The following HS3ST5 variants were observed in gnomAD, a reference collection of about 807,000 sequenced individuals.
HS3ST5 encodes the protein heparan sulfate-glucosamine 3-sulfotransferase 5.
A neutral mutation model predicts 25.4 loss-of-function variants in HS3ST5; 10 were observed. The observed-to-expected ratio is 0.39, with a 90% confidence interval of 0.24 to 0.67. The LOEUF is 0.67. HS3ST5 is among the 30% of genes least tolerant of loss of function. The pLI, the probability that HS3ST5 is intolerant of heterozygous loss-of-function variation, is 0.44. For synonymous variants in HS3ST5, 170 were observed against 162.4 expected, an observed-to-expected ratio of 1.05 and a Z score of -0.36; for missense variants, 324 against 420.7, an observed-to-expected ratio of 0.77 and a Z score of 2.01.
intron 1 of HS3ST5, among the ~76,000 whole-genome samples, chr6:114,325,537 G>A (rs13207930): frequency 6.6e-6 from 1 of 151,990 alleles, no homozygotes; most frequent in South Asian, 2.1e-4. Flanking sequence ...GATGAAGAGA[G>A]GTGTCTCAAG....
At chr6:114,213,173 G>A (rs536894090) in intron 2 of HS3ST5, among the ~76,000 whole-genome samples, 4 of 152,038 alleles carry the variant, frequency 2.6e-5, no homozygotes, top group East Asian at 3.9e-4. Context: ...ACTCTTCTTC[G>A]AAGTCCTGCC....
intron 3 of HS3ST5, among the ~76,000 whole-genome samples, chr6:114,161,478 C>T (rs1241276441): frequency 8.0e-6 from 1 of 125,018 alleles, no homozygotes. Context: ...GCATTAAAAA[C>T]AGCATCTAAG....
At chr6:114,074,925 CT>C (rs926125943) in intron 3 of HS3ST5, among the ~76,000 whole-genome samples, 22 of 152,228 alleles carry the variant, frequency 1.4e-4, no homozygotes, top group African/African-American at 5.1e-4. Flanking sequence ...TGCTTCAAAA[CT>C]TTTTTTCTTT....
chr6:114,324,369 C>T (rs552832553), intron 1 of HS3ST5, among the ~76,000 whole-genome samples: 4 of 152,336 alleles, frequency 2.6e-5, no homozygotes, highest in African/African-American at 9.6e-5. Context: ...CTAGTTTCAG[C>T]TCATCACTTT....
At chr6:114,336,897 G>A (rs1323865878) in intron 1 of HS3ST5, among the ~76,000 whole-genome samples, 2 of 152,150 alleles carry the variant, frequency 1.3e-5, no homozygotes, top group East Asian at 3.8e-4. Flanking sequence ...CAAATAGTAA[G>A]ATTGTTAATA....
chr6:114,196,631 C>G (rs191622704), intron 2 of HS3ST5, among the ~76,000 whole-genome samples: 20 of 150,366 alleles, frequency 1.3e-4, no homozygotes, highest in Admixed American at 7.3e-4. Context: ...TTGTAAGCAC[C>G]TCTTAGCCAG....
At chr6:114,065,890 C>G (rs1220780158) in intron 3 of HS3ST5, among the ~76,000 whole-genome samples, 1 of 152,220 alleles carries the variant, frequency 6.6e-6, no homozygotes, top group Non-Finnish European at 1.5e-5. Flanking sequence ...CCACACCCTC[C>G]TGCTTAAAAC....
chr6:114,341,411 C>T (rs909152400), intron 1 of HS3ST5, among the ~76,000 whole-genome samples: 1 of 152,120 alleles, frequency 6.6e-6, no homozygotes, highest in African/African-American at 2.4e-5. Flanking sequence ...TTGCTGGGCG[C>T]TTGGAACCTC....
chr6:114,249,345 A>C (rs1772533913), intron 1 of HS3ST5, among the ~76,000 whole-genome samples: 1 of 152,280 alleles, frequency 6.6e-6, no homozygotes, highest in South Asian at 2.1e-4. Flanking sequence ...CTTTTACCTT[A>C]CTCAATCATG....
At chr6:114,140,359 G>A (rs113577055) in intron 3 of HS3ST5, among the ~76,000 whole-genome samples, 1,952 of 152,200 alleles carry the variant, frequency 0.013, 46 homozygotes, top group African/African-American at 0.045. Flanking sequence ...TAACATAAAT[G>A]CATTTAAAAA....
At chr6:114,095,818 A>T (rs1256366169) in intron 3 of HS3ST5, among the ~76,000 whole-genome samples, 1 of 152,138 alleles carries the variant, frequency 6.6e-6, no homozygotes, top group East Asian at 1.9e-4. Context: ...GATAAATTAA[A>T]ACCCTTACTG....
At chr6:114,328,068 T>C (rs1277559170) in intron 1 of HS3ST5, among the ~76,000 whole-genome samples, 1 of 152,062 alleles carries the variant, frequency 6.6e-6, no homozygotes, top group African/African-American at 2.4e-5. Flanking sequence ...CTTCTTATTG[T>C]AAAAAAGAAT....
intron 1 of HS3ST5, among the ~76,000 whole-genome samples, chr6:114,311,405 T>C (rs1775525706): frequency 6.6e-6 from 1 of 152,170 alleles, no homozygotes; most frequent in African/African-American, 2.4e-5. Flanking sequence ...AAATTACTCT[T>C]TATGTTTTCC....
chr6:114,323,726 G>A (rs1277157898), intron 1 of HS3ST5, among the ~76,000 whole-genome samples: 1 of 152,114 alleles, frequency 6.6e-6, no homozygotes, highest in African/African-American at 2.4e-5. Flanking sequence ...TGCACATTTA[G>A]TTTATACTTT....
intron 1 of HS3ST5, among the ~76,000 whole-genome samples, chr6:114,314,669 A>G (rs1775677454): frequency 6.6e-6 from 1 of 152,342 alleles, no homozygotes; most frequent in African/African-American, 2.4e-5. Flanking sequence ...CCAGGCTTTC[A>G]TCAAATTTTC....
intron 1 of HS3ST5, among the ~76,000 whole-genome samples, chr6:114,317,519 G>T (rs975931434): frequency 1.2e-4 from 18 of 152,068 alleles, no homozygotes; most frequent in African/African-American, 4.1e-4. Flanking sequence ...CATATCTATG[G>T]ATATAATATT....
chr6:114,223,705 A>T (rs1443709609), intron 2 of HS3ST5, among the ~76,000 whole-genome samples: 1 of 151,788 alleles, frequency 6.6e-6, no homozygotes, highest in African/African-American at 2.4e-5. Context: ...CTTTTCAAAA[A>T]GAGAAGCTAC....
intron 1 of HS3ST5, among the ~76,000 whole-genome samples, chr6:114,318,680 A>G (rs2114870733): frequency 6.6e-6 from 1 of 152,298 alleles, no homozygotes; most frequent in East Asian, 1.9e-4. Context: ...GTGATTACAA[A>G]TAAGGTGTCA....
chr6:114,132,269 C>T (rs1777373568), intron 3 of HS3ST5: 1 of 152,146 alleles, frequency 6.6e-6, no homozygotes, highest in African/African-American at 2.4e-5. Flanking sequence ...CATTTTATTG[C>T]TTGTTCCCAC....
Sources: gnomAD v4.1 joint callset for allele counts (sites outside exome capture counted in the v4.1 genomes callset) on GRCh38, gnomAD v4.1.1 for gene constraint, MANE v1.5 for transcripts, NCBI Gene and HGNC (gene_info 2026-07-23, HGNC 2026-07-21) for gene names.